The following PRKG1 variants were observed in gnomAD, a reference collection of about 807,000 sequenced individuals.
The protein encoded by PRKG1 is cGMP-dependent protein kinase 1.
PRKG1 carries 35 observed loss-of-function variants against 88.1 expected under a neutral mutation model. The observed-to-expected ratio is 0.40, with a 90% CI of 0.30 to 0.53. The LOEUF (loss-of-function observed/expected upper bound fraction) is 0.53, where lower values mean the gene tolerates loss of function less well. Among genes scored for constraint, PRKG1 ranks in the 20% least tolerant of loss-of-function variants. The pLI, the probability that PRKG1 is intolerant of heterozygous loss-of-function variation, is 0.59. For missense variants in PRKG1, 540 were observed against 839.8 expected, an observed-to-expected ratio of 0.64 and a Z score of 4.41; for synonymous variants, 303 against 292.5, an observed-to-expected ratio of 1.04 and a Z score of -0.37.
intron 3 of PRKG1, among the ~76,000 whole-genome samples, chr10:51,738,944 C>T (rs1041739384): frequency 2.0e-5 from 3 of 152,128 alleles, no homozygotes; most frequent in Non-Finnish European, 4.4e-5. Context: ...CTATGAAAGA[C>T]TTTAGCAGAG....
intron 2 of PRKG1, among the ~76,000 whole-genome samples, chr10:51,458,735 G>T (rs1048796074): frequency 5.9e-5 from 9 of 152,150 alleles, no homozygotes; most frequent in Admixed American, 2.0e-4. Flanking sequence ...AAAAGGACAT[G>T]TAATCTCTGA....
At chr10:51,403,104 G>A (rs1837800654) in intron 2 of PRKG1, among the ~76,000 whole-genome samples, 1 of 152,148 alleles carries the variant, frequency 6.6e-6, no homozygotes, top group African/African-American at 2.4e-5. Flanking sequence ...ACATCTCTCT[G>A]GATTTAAATT....
chr10:51,946,809 G>A (rs961379698), intron 5 of PRKG1, among the ~76,000 whole-genome samples: 36 of 151,998 alleles, frequency 2.4e-4, no homozygotes, highest in African/African-American at 4.8e-4. Flanking sequence ...CTGTGTGATC[G>A]TTCCTCTGGA....
At position 52,228,285 on chromosome 10, in the gene PRKG1, G is replaced by A. The variant is rs74135374; in HGVS notation, c.1077-23285G>A. Reference sequence around the variant, plus strand: ...TTGGATTTTCAACAGGAAGTAAAAAGAAAAAAAAAAAAAGAAATGAAGAGG... The same window carrying A: ...TTGGATTTTCAACAGGAAGTAAAAAAAAAAAAAAAAAAAGAAATGAAGAGG... On this transcript the variant is annotated intron_variant, in intron 9 of 17. Coordinates refer to ENST00000373980, the MANE Select transcript of PRKG1 (RefSeq NM_006258.4). Among the ~76,000 whole-genome samples the A allele has an allele frequency of 3.0e-3, 397 of 134,008 alleles. 3 individuals are homozygous for A. The highest frequency in any genetic ancestry group is 6.4e-3 in the African/African-American group (244 of 38,030). 87.9% of individuals were successfully genotyped at this position (134,008 alleles called of 152,430 possible).
intron 1 of PRKG1, among the ~76,000 whole-genome samples, chr10:51,001,780 A>C (rs536371240): frequency 3.0e-4 from 46 of 152,310 alleles, no homozygotes; most frequent in African/African-American, 1.1e-3. Context: ...AGACATAGAG[A>C]GATTTCAACC....
chr10:51,173,182 TA>T (rs1837090442), intron 2 of PRKG1, among the ~76,000 whole-genome samples: 2 of 152,012 alleles, frequency 1.3e-5, no homozygotes, highest in Admixed American at 1.3e-4. Flanking sequence ...TGAAAACATT[TA>T]AGCAGGATGT....
chr10:51,273,300 C>G (rs1840028164), intron 2 of PRKG1, among the ~76,000 whole-genome samples: 1 of 145,984 alleles, frequency 6.9e-6, no homozygotes. Flanking sequence ...TGCTGGAGCC[C>G]AGGAATTTGA....
intron 2 of PRKG1, among the ~76,000 whole-genome samples, chr10:51,170,857 A>T (rs1165701562): frequency 2.0e-5 from 3 of 152,078 alleles, no homozygotes; most frequent in Admixed American, 6.6e-5. Context: ...TATTATTTTT[A>T]AAAATCAAGA....
chr10:51,238,493 A>G (rs1292742704), intron 2 of PRKG1, among the ~76,000 whole-genome samples: 1 of 152,120 alleles, frequency 6.6e-6, no homozygotes, highest in Non-Finnish European at 1.5e-5. Context: ...GAGGCAGGAG[A>G]ATCTCTTAAA....
At chr10:52,272,037 T>C (rs1589750159) in intron 11 of PRKG1, among the ~76,000 whole-genome samples, 1 of 152,228 alleles carries the variant, frequency 6.6e-6, no homozygotes, top group African/African-American at 2.4e-5. Flanking sequence ...CTGTAAAGTT[T>C]AATCCACTTT....
intron 2 of PRKG1, among the ~76,000 whole-genome samples, chr10:51,164,646 T>C (rs1846477620): frequency 6.6e-6 from 1 of 151,966 alleles, no homozygotes; most frequent in Non-Finnish European, 1.5e-5. Flanking sequence ...GTTAAAAACT[T>C]TGAAAAAAAT....
chr10:51,238,375 G>A (rs1589269495), intron 2 of PRKG1, among the ~76,000 whole-genome samples: 1 of 152,136 alleles, frequency 6.6e-6, no homozygotes. Context: ...GAGGTCAGGA[G>A]TTTGAGACCA....
At chr10:51,657,256 G>T (rs540816069) in intron 3 of PRKG1, among the ~76,000 whole-genome samples, 16 of 151,924 alleles carry the variant, frequency 1.1e-4, no homozygotes, top group African/African-American at 3.4e-4. Flanking sequence ...CATTTATATG[G>T]TTTTTTTGTT....
At chr10:52,015,848 A>G (rs538732476) in intron 5 of PRKG1, among the ~76,000 whole-genome samples, 1 of 152,212 alleles carries the variant, frequency 6.6e-6, no homozygotes. Flanking sequence ...TCTTTAGGGC[A>G]GGGGCGAAAT....
At chr10:51,172,635 T>G (rs1050574619) in intron 2 of PRKG1, among the ~76,000 whole-genome samples, 1 of 71,140 alleles carries the variant, frequency 1.4e-5, no homozygotes, top group Admixed American at 1.7e-4. Flanking sequence ...TATGTATGTA[T>G]GTATGTATGT....
At chr10:51,156,848 A>T (rs1589202666) in intron 2 of PRKG1, among the ~76,000 whole-genome samples, 1 of 151,988 alleles carries the variant, frequency 6.6e-6, no homozygotes, top group Non-Finnish European at 1.5e-5. Context: ...ATTCTTTGTT[A>T]TCTGTGAACA....
intron 3 of PRKG1, among the ~76,000 whole-genome samples, chr10:51,511,008 T>C (rs1841385921): frequency 6.6e-6 from 1 of 151,748 alleles, no homozygotes; most frequent in Non-Finnish European, 1.5e-5. Context: ...CACCTCAGCC[T>C]CCCAAAGTGC....
At chr10:52,046,504 GGTATATCA>G (rs574283024) in intron 5 of PRKG1, among the ~76,000 whole-genome samples, 259 of 152,096 alleles carry the variant, frequency 1.7e-3, no homozygotes, top group Non-Finnish European at 2.6e-3. Flanking sequence ...ACAATTTATA[GGTATATCA>G]TGATTACAAT....
At chr10:51,626,317 AG>A (rs1420921061) in intron 3 of PRKG1, among the ~76,000 whole-genome samples, 18 of 152,236 alleles carry the variant, frequency 1.2e-4, no homozygotes, top group African/African-American at 4.3e-4. Flanking sequence ...ATTTTGTTTT[AG>A]AAAAACATAG....
Sources: gnomAD v4.1 joint callset for allele counts (sites outside exome capture counted in the v4.1 genomes callset) on GRCh38, gnomAD v4.1.1 for gene constraint, MANE v1.5 for transcripts, NCBI Gene and HGNC (gene_info 2026-07-23, HGNC 2026-07-21) for gene names.